The following VPS13B variants were observed in gnomAD, a reference collection of about 807,000 sequenced individuals.
The protein encoded by VPS13B is vacuolar protein sorting 13 homolog B.
Under a neutral mutation model 426.4 loss-of-function variants are expected in VPS13B, and 285 were observed. The observed-to-expected ratio is 0.67, with a 90% CI of 0.61 to 0.74. The LOEUF (loss-of-function observed/expected upper bound fraction) is 0.74. VPS13B is among the 30% of genes least tolerant of loss of function. The probability of loss-of-function intolerance (pLI) is 0.00; values close to 1 mark genes in which losing one functional copy is unlikely to be tolerated. For missense variants in VPS13B, 4,537 were observed against 4,782.6 expected (o/e 0.95, Z 1.51); for synonymous variants, 1,676 against 1,676.4 (o/e 1.00, Z 0.01).
chr8:99,143,042 A>G lies in VPS13B; in HGVS notation c.1720A>G (p.Thr574Ala). ...EDLGTVQEKS[T>A]KSLVIGPLDF... ...TTTGGGAACAGTTCAGGAGAAGTCC[A>G]CCAAAAGCCTTGTTATAGGTCCTCT... The change falls in exon 13 of 62, where the codon ACC (threonine) becomes GCC (alanine). Residue 574 changes from threonine (T) to alanine (A), a missense_variant. This residue lies in a region of VPS13B where 4,311 missense variants were observed against 4,474.3 expected (regional missense o/e 0.96). Transcript: ENST00000357162. 1 of 1,614,072 alleles carries G rather than the reference A, an allele frequency of 6.2e-7. No individual in the cohort carries two copies. Among genetic ancestry groups the G allele is most frequent in the Non-Finnish European group, 8.5e-7 (1 of 1,179,954 alleles).
At chr8:99,341,278 C>A in intron 19 of VPS13B, 1 of 168,996 alleles carries the variant, frequency 5.9e-6, no homozygotes. Context: ...GTGGAAGTCT[C>A]ATTAACTGTT....
At chr8:99,839,520 T>C (rs1479724445) in intron 54 of VPS13B, among the ~76,000 whole-genome samples, 2 of 152,190 alleles carry the variant, frequency 1.3e-5, no homozygotes, top group Admixed American at 1.3e-4. Context: ...AAGTTTTATG[T>C]CTATTTACTG....
chr8:99,318,733 G>A (rs1249012991), intron 19 of VPS13B, among the ~76,000 whole-genome samples: 2 of 152,094 alleles, frequency 1.3e-5, no homozygotes, highest in East Asian at 1.9e-4. Flanking sequence ...ATGATGGCCA[G>A]GCTGGTCTTA....
chr8:99,055,995 C>T (rs1456634042), intron 3 of VPS13B, among the ~76,000 whole-genome samples: 2 of 150,948 alleles, frequency 1.3e-5, no homozygotes, highest in Non-Finnish European at 2.9e-5. Flanking sequence ...CCCACCTTGT[C>T]CTCCCAAGGT....
intron 16 of VPS13B, among the ~76,000 whole-genome samples, chr8:99,190,436 T>A (rs1393145311): frequency 6.6e-6 from 1 of 152,092 alleles, no homozygotes; most frequent in Admixed American, 6.5e-5. Flanking sequence ...TTAGTTCTAG[T>A]ATCTTGCTGT....
chr8:99,133,179 T>C (rs1212141959), intron 8 of VPS13B, among the ~76,000 whole-genome samples: 1 of 152,208 alleles, frequency 6.6e-6, no homozygotes, highest in Non-Finnish European at 1.5e-5. Context: ...CTAGGTCTTC[T>C]GGGTAACTGC....
chr8:99,768,804 T>C (rs1211426249), intron 40 of VPS13B, among the ~76,000 whole-genome samples: 1 of 152,238 alleles, frequency 6.6e-6, no homozygotes, highest in Non-Finnish European at 1.5e-5. Context: ...TGTGATGAAT[T>C]ATTTCATGGA....
At position 99,853,969 on chromosome 8, in the gene VPS13B, G is replaced by A. The variant is rs749394707; in HGVS notation, c.10580G>A (p.Ser3527Asn). 24 of 1,614,114 alleles carry A rather than the reference G, an allele frequency of 1.5e-5. No homozygotes were observed. Among genetic ancestry groups the A allele is most frequent in the Non-Finnish European group, 8.5e-7 (1 of 1,180,048 alleles). ...KTLFDTYLPN[S>N]RLAGHSTHLS... ...TTGTTTGACACCTACCTTCCTAACA[G>A]CAGGTTGGCTGGTCACTCCACACAC... Residue 3527 changes from serine to asparagine, a missense_variant, in exon 56 of 62, where the codon AGC becomes AAC. By Grantham distance (46) the Ser-to-Asn change is conservative (BLOSUM62 1). Transcript: ENST00000357162.
chr8:99,375,949 A>T (rs1159618574), intron 19 of VPS13B, among the ~76,000 whole-genome samples: 2 of 152,200 alleles, frequency 1.3e-5, no homozygotes, highest in African/African-American at 4.8e-5. Context: ...GCAAGCTTCT[A>T]TAGCTGCCAA....
chr8:99,577,609 G>A lies in VPS13B; in HGVS notation c.5196G>A (p.Leu1732=), dbSNP rs750269923. ...HQLIVANMTG[L]EPSNKAAEIS... ...TAATAGTAGCAAATATGACTGGACT[G>A]GAACCATCAAACAAGGCTGCAGAGG... Residue 1732 remains leucine (L), a synonymous_variant, in exon 33 of 62, where the codon CTG becomes CTA. Coordinates refer to ENST00000357162, the MANE Select transcript of VPS13B (RefSeq NM_152564.5). 1.9e-6 allele frequency: 3 copies of A among 1,613,674 alleles called. No homozygotes were observed. Among genetic ancestry groups the A allele is most frequent in the Middle Eastern group, 1.6e-4 (1 of 6,062 alleles).
intron 3 of VPS13B, among the ~76,000 whole-genome samples, chr8:99,061,950 G>A (rs893526062): frequency 2.3e-4 from 35 of 152,190 alleles, no homozygotes; most frequent in African/African-American, 8.4e-4. Context: ...AGTGAATCTT[G>A]TTTGGTGTTC....
rs1036324513 is a variant in VPS13B at position 99,335,296 on chromosome 8, A to T, written c.2825-48912A>T. ...GCAGTCTATCGATTTTGTTGATCCT[A>T]TCAAAAAACCAGCTCCTGGATTCAT... is the stretch of plus-strand genomic sequence containing the variant. On this transcript the variant is annotated intron_variant, in intron 19 of 61. Transcript: ENST00000357162. Among the ~76,000 whole-genome samples the T allele has an allele frequency of 8.6e-5, 13 of 152,028 alleles. No homozygotes were observed. In the South Asian group the frequency reaches 2.5e-3, roughly 29 times the overall value.
At chr8:99,249,466 C>A (rs998881805) in intron 17 of VPS13B, among the ~76,000 whole-genome samples, 1 of 138,674 alleles carries the variant, frequency 7.2e-6, no homozygotes, top group South Asian at 2.3e-4. Context: ...TTGCTTTGTG[C>A]TCAAGGCTGG....
intron 21 of VPS13B, among the ~76,000 whole-genome samples, chr8:99,407,919 T>C (rs1280863357): frequency 1.3e-5 from 2 of 152,154 alleles, no homozygotes; most frequent in East Asian, 3.9e-4. Flanking sequence ...TCTAAAGACA[T>C]GAGGAAATGG....
chr8:99,613,435 A>G (rs969749839), intron 33 of VPS13B, among the ~76,000 whole-genome samples: 2 of 152,188 alleles, frequency 1.3e-5, no homozygotes, highest in African/African-American at 4.8e-5. Flanking sequence ...CCATCTATCC[A>G]TTCACCTGTC....
intron 58 of VPS13B, among the ~76,000 whole-genome samples, chr8:99,864,397 G>A (rs1056959367): frequency 6.6e-6 from 1 of 151,952 alleles, no homozygotes; most frequent in Non-Finnish European, 1.5e-5. Flanking sequence ...AAAATAAAAT[G>A]AAATACAAAA....
At chr8:99,039,295 A>G (rs773596945) in intron 3 of VPS13B, among the ~76,000 whole-genome samples, 8 of 152,170 alleles carry the variant, frequency 5.3e-5, no homozygotes, top group Admixed American at 1.3e-4. Context: ...ACCAAATTTT[A>G]TAATTGTTTT....
At chr8:99,849,989 A>G (rs1816180869) in intron 55 of VPS13B, among the ~76,000 whole-genome samples, 1 of 131,632 alleles carries the variant, frequency 7.6e-6, no homozygotes, top group South Asian at 2.6e-4. Context: ...ACATACCTAC[A>G]TAAGTACGCA....
At chr8:99,246,228 T>C (rs1817210021) in intron 17 of VPS13B, among the ~76,000 whole-genome samples, 1 of 152,344 alleles carries the variant, frequency 6.6e-6, no homozygotes, top group East Asian at 1.9e-4. Context: ...TTCCAATATA[T>C]GCTGACCTTC....
Sources: gnomAD v4.1 joint callset for allele counts (sites outside exome capture counted in the v4.1 genomes callset) on GRCh38, gnomAD v4.1.1 for gene constraint, gnomAD v4.1.1 regional missense constraint, MANE v1.5 for transcripts, NCBI Gene and HGNC (gene_info 2026-07-23, HGNC 2026-07-21) for gene names.